The following NELFB variants were observed in gnomAD, a reference collection of about 807,000 sequenced individuals.
The protein encoded by NELFB is negative elongation factor B.
NELFB carries 34 observed loss-of-function variants against 60.2 expected under a neutral mutation model. The observed-to-expected ratio is 0.56, with a 90% CI of 0.43 to 0.75. NELFB has a LOEUF of 0.75. Among genes scored for constraint, NELFB ranks in the 30% least tolerant of loss-of-function variants. The pLI is 0.00. For missense variants in NELFB, 770 were observed against 831.6 expected, an observed-to-expected ratio of 0.93 and a Z score of 0.91; for synonymous variants, 459 against 382.1, an observed-to-expected ratio of 1.20 and a Z score of -2.35.
chr9:137,256,213 C>T (rs1837548038), intron 2 of NELFB, 116 bp from the exon 3 acceptor site: 4 of 1,338,246 alleles, frequency 3.0e-6, no homozygotes, highest in African/African-American at 2.9e-5. Context: ...GACCCCTTGA[C>T]CCATGTGTCC....
chr9:137,263,828 C>G (rs1486710445), intron 5 of NELFB, among the ~76,000 whole-genome samples: 2 of 152,174 alleles, frequency 1.3e-5, no homozygotes, highest in Non-Finnish European at 2.9e-5. Context: ...CTGTGGCCCT[C>G]CCCTTCCCCA....
Position 137,269,644 on chromosome 9 carries a change from C to T in NELFB, c.1489+2298C>T, listed in dbSNP as rs935286801. ...CTTCAGTACTCAGTACAGCCATGTGCTGTGCAGGTGTCTAGCTCAGGGGCA... is the reference window on the plus strand; with the variant it reads ...CTTCAGTACTCAGTACAGCCATGTGTTGTGCAGGTGTCTAGCTCAGGGGCA... On this transcript the variant is annotated intron_variant, in intron 10 of 12. Coordinates refer to ENST00000343053, the MANE Select transcript of NELFB (RefSeq NM_015456.5). This position sits in a 1 kb window ranked among gnomAD's most constrained non-coding sequence, Gnocchi z 5.3. Among the ~76,000 whole-genome samples the T allele has an allele frequency of 6.6e-6, 1 of 152,358 alleles. No individual in the cohort carries two copies. Among genetic ancestry groups the T allele is most frequent in the South Asian group, 2.1e-4 (1 of 4,830 alleles).
Position 137,263,089 on chromosome 9 carries a change from T to C in NELFB, c.794T>C (p.Met265Thr). The change falls in exon 5 of 13, where the codon ATG becomes ACG. Residue 265 changes from methionine (M) to threonine (T), a missense_variant. Transcript: ENST00000343053. ...GGGAAGAACGTGAAGCTGTACGACA[T>C]GGTGCTGCAGTTTCTGCGCACGCTC... 3 of 1,614,070 alleles carry C rather than the reference T, an allele frequency of 1.9e-6. No individual in the cohort carries two copies. Among genetic ancestry groups the C allele is most frequent in the South Asian group, 2.2e-5 (2 of 91,088 alleles).
chr9:137,260,327 G>T (rs1288209141), intron 4 of NELFB, among the ~76,000 whole-genome samples: 1 of 150,836 alleles, frequency 6.6e-6, no homozygotes, highest in African/African-American at 2.4e-5. Flanking sequence ...TGGGATTACG[G>T]GCGTGAGCCA....
Position 137,272,025 on chromosome 9 carries a change from G to C in NELFB, c.1490-56G>C. The C allele has an allele frequency of 7.5e-6, 12 of 1,606,840 alleles. No individual in the cohort carries two copies. In the South Asian group the frequency reaches 1.3e-4, roughly 18 times the overall value. ...TTCTGAGGTCTTTGAGGACAAGGGT[G>C]CCCTCTGGGGTGGGCAGGGTGAGTG... On this transcript the variant is annotated intron_variant, in intron 10 of 12. Transcript: ENST00000343053.
rs1182228266 is a variant in NELFB at position 137,255,518 on chromosome 9, G to T, written c.153G>T (p.Ala51=). 1.3e-6 allele frequency: 2 copies of T among 1,538,342 alleles called. No homozygotes were observed. The highest frequency in any genetic ancestry group is 1.4e-5 in the African/African-American group (1 of 71,242). The stretch of plus-strand genomic sequence containing the variant: ...TGGCCGGGGCCTCGGCCATGTTCGC[G>T]GGGCTGCAGGACCTGGGCGTGGCCA... Residue 51 remains alanine, a synonymous_variant, in exon 1 of 13, where the codon GCG becomes GCT. Coordinates refer to ENST00000343053, the MANE Select transcript of NELFB (RefSeq NM_015456.5).
In NELFB at chr9:137,255,979, C is replaced by T. The variant is rs1180918937; in HGVS notation, c.319C>T (p.Leu107=). 3.7e-6 allele frequency: 6 copies of T among 1,613,968 alleles called. No homozygotes were observed. Among genetic ancestry groups the T allele is most frequent in the Non-Finnish European group, 4.2e-6 (5 of 1,180,020 alleles). The change falls in exon 2 of 13, where the codon CTG becomes TTG. Residue 107 remains leucine (L), a synonymous_variant. Coordinates refer to ENST00000343053, the MANE Select transcript of NELFB (RefSeq NM_015456.5). ...CTTGGACCTGCACGGGACGCCGCGG[C>T]TGGAGTTCCACCAGTCGGTATTCGA...
intron 3 of NELFB, 27 bp downstream of exon 3, chr9:137,256,455 G>A: frequency 6.3e-7 from 1 of 1,597,934 alleles, no homozygotes. Context: ...AACCCTGATG[G>A]CGTGGACCGT....
intron 4 of NELFB, among the ~76,000 whole-genome samples, chr9:137,260,545 C>T (rs1176716343): frequency 6.6e-6 from 1 of 150,682 alleles, no homozygotes; most frequent in Non-Finnish European, 1.5e-5. Context: ...CTCAGTCTCC[C>T]AGGTTCAAGT....
intron 10 of NELFB, among the ~76,000 whole-genome samples, chr9:137,271,299 C>T (rs1313957142): frequency 6.6e-6 from 1 of 152,262 alleles, no homozygotes. Flanking sequence ...TCACTCTGGG[C>T]GCAGGTGGCG....
chr9:137,260,382 A>T (rs1468923343), intron 4 of NELFB, among the ~76,000 whole-genome samples: 3 of 147,966 alleles, frequency 2.0e-5, no homozygotes, highest in Non-Finnish European at 3.0e-5. Context: ...AATTTTTAAA[A>T]TTTATTTTTT....
chr9:137,255,932 C>G lies in NELFB; in HGVS notation c.272C>G (p.Ser91Cys), dbSNP rs752566675. ...ACAGAGAATGGTGTGCTGCTGCCAT[C>G]TCTTCAGTCAGCCCTCCCCTTCTTG... The change falls in exon 2 of 13, where the codon TCT (serine) becomes TGT (cysteine). Residue 91 changes from serine (S) to cysteine (C), a missense_variant. Ser to Cys is a moderately radical substitution (Grantham distance 112). Transcript: ENST00000343053. The G allele has an allele frequency of 1.2e-6, 2 of 1,614,066 alleles. No homozygotes were observed. Among genetic ancestry groups the G allele is most frequent in the Non-Finnish European group, 1.7e-6 (2 of 1,180,022 alleles).
chr9:137,267,735 G>A (rs1218226185), intron 10 of NELFB, among the ~76,000 whole-genome samples: 1 of 152,004 alleles, frequency 6.6e-6, no homozygotes, highest in African/African-American at 2.4e-5. Context: ...TTCATGATCC[G>A]CCCGCCTCGG....
At chr9:137,266,461 A>G in intron 8 of NELFB, 35 bp downstream of exon 8, 1 of 1,586,078 alleles carries the variant, frequency 6.3e-7, no homozygotes, top group South Asian at 1.1e-5. Flanking sequence ...CCAGTTTCCT[A>G]CGAGGGGTTG....
intron 4 of NELFB, 117 bp from the exon 5 acceptor site, chr9:137,262,920 C>T: frequency 1.8e-6 from 2 of 1,110,962 alleles, no homozygotes; most frequent in Non-Finnish European, 2.6e-6. Context: ...TGTTTTCTGC[C>T]AAAAAGTAGG....
intron 10 of NELFB, among the ~76,000 whole-genome samples, chr9:137,268,581 G>A (rs9696384): frequency 0.68 from 103,144 of 151,982 alleles, 35,819 homozygotes; most frequent in Admixed American, 0.77. Flanking sequence ...GCGAGACTCC[G>A]TCTCAAAAAA....
In NELFB at chr9:137,255,522, C is replaced by T. The variant is rs1452375457; in HGVS notation, c.157C>T (p.Leu53=). ...CGGGGCCTCGGCCATGTTCGCGGGG[C>T]TGCAGGACCTGGGCGTGGCCAACGG... Residue 53 remains leucine, a synonymous_variant, in exon 1 of 13, where the codon CTG becomes TTG. Transcript: ENST00000343053. The T allele has an allele frequency of 1.3e-6, 2 of 1,543,732 alleles. No individual in the cohort carries two copies. Among genetic ancestry groups the T allele is most frequent in the East Asian group, 2.5e-5 (1 of 39,844 alleles).
rs756994375 is a variant in NELFB, at chr9:137,267,321, G to A, written c.1464G>A (p.Ala488=). ...TCACCAAGCAGAGGAACAAGAACGC[G>A]CTCCTCCGCCTGCTGCCCGGGCTGG... is the stretch of plus-strand genomic sequence containing the variant. The change falls in exon 10 of 13, where the codon GCG becomes GCA. Residue 488 remains alanine (A), a synonymous_variant. Transcript: ENST00000343053. The A allele has an allele frequency of 3.7e-6, 6 of 1,612,666 alleles. No individual in the cohort carries two copies. The highest frequency in any genetic ancestry group is 2.2e-5 in the East Asian group (1 of 44,830).
chr9:137,261,097 C>CT lies in NELFB; in HGVS notation c.742-1937dup, dbSNP rs1830434195. Reference sequence around the variant, plus strand: ...GTGACTCACGCCTGTAATCCCAGCACTTTGGGAGGCCGAGGCGGGTGGATC... The same window carrying CT: ...GTGACTCACGCCTGTAATCCCAGCACTTTTGGGAGGCCGAGGCGGGTGGATC... On this transcript the variant is annotated intron_variant, in intron 4 of 12. Coordinates refer to ENST00000343053, the MANE Select transcript of NELFB (RefSeq NM_015456.5). Among the ~76,000 whole-genome samples the CT allele has an allele frequency of 2.0e-5, 3 of 151,416 alleles. No individual in the cohort carries two copies. In the South Asian group the frequency reaches 6.3e-4, roughly 32 times the overall value.
Sources: allele counts gnomAD v4.1 joint callset (sites outside exome capture counted in the v4.1 genomes callset), GRCh38; gene constraint gnomAD v4.1.1; non-coding constraint Gnocchi (gnomAD v3.1); transcripts MANE v1.5; gene names NCBI Gene and HGNC (gene_info 2026-07-23, HGNC 2026-07-21).